Variants in PAPOLG observed in about 807,000 individuals in gnomAD.
The protein encoded by PAPOLG is PAP-gamma.
A neutral mutation model predicts 99.0 loss-of-function variants in PAPOLG; 40 were observed. The ratio of observed to expected loss-of-function variants is 0.40; its 90% CI spans 0.31 to 0.53. PAPOLG has a LOEUF of 0.53. Among genes scored for constraint, PAPOLG ranks in the 20% least tolerant of loss-of-function variants. PAPOLG has a pLI of 0.41. For missense variants in PAPOLG, 675 were observed against 884.1 expected (o/e 0.76, Z 3.00); for synonymous variants, 310 against 299.3 (o/e 1.04, Z -0.37).
In PAPOLG at chr2:60,787,050, A is replaced by C. The variant is rs1403268521; in HGVS notation, c.1270A>C (p.Lys424Gln). Residue 424 changes from lysine to glutamine, a missense_variant, in exon 14 of 22, where the codon AAG (lysine) becomes CAG (glutamine). Physicochemically the swap from Lys to Gln is moderately conservative, Grantham distance 53 (BLOSUM62 1). Transcript: ENST00000238714. ...HVNPQSFPGN[K>Q]EHHKDNNYVS... Reference sequence around the variant, plus strand: ...GAATCCCCAGTCATTCCCAGGGAATAAGGAACATCATAAAGAGTAAGTTAA... The same window carrying C: ...GAATCCCCAGTCATTCCCAGGGAATCAGGAACATCATAAAGAGTAAGTTAA... 1 of 1,607,952 alleles carries C rather than the reference A, an allele frequency of 6.2e-7. No homozygotes were observed. The highest frequency in any genetic ancestry group is 2.2e-5 in the East Asian group (1 of 44,812).
chr2:60,759,019 C>G (rs1670442974), intron 1 of PAPOLG, among the ~76,000 whole-genome samples: 1 of 152,162 alleles, frequency 6.6e-6, no homozygotes, highest in Non-Finnish European at 1.5e-5. Flanking sequence ...TTGCCAACCC[C>G]TGTTGGTCCC....
intron 17 of PAPOLG, 108 bp from the exon 18 acceptor site, chr2:60,793,517 TTG>T: frequency 7.9e-7 from 1 of 1,264,816 alleles, no homozygotes; most frequent in Non-Finnish European, 1.1e-6. Flanking sequence ...TGAGCTGTGA[TTG>T]TGCCACTGCA....
intron 15 of PAPOLG, among the ~76,000 whole-genome samples, chr2:60,789,633 C>A (rs547400807): frequency 2.6e-4 from 40 of 152,184 alleles, no homozygotes; most frequent in Non-Finnish European, 5.1e-4. Context: ...ACATCTAGCC[C>A]TCTAGTCACA....
chr2:60,779,824 C>A, intron 9 of PAPOLG, 49 bp downstream of exon 9: 2 of 1,480,220 alleles, frequency 1.4e-6, no homozygotes, highest in Non-Finnish European at 1.9e-6. Context: ...TCTACCTATG[C>A]GTAAGTTTGT....
At chr2:60,774,821 C>T (rs753734805) in intron 7 of PAPOLG, among the ~76,000 whole-genome samples, 2 of 152,166 alleles carry the variant, frequency 1.3e-5, no homozygotes, top group Non-Finnish European at 2.9e-5. Context: ...TACTCAGGCA[C>T]ATCTCATTTT....
chr2:60,761,649 A>G, intron 2 of PAPOLG, 92 bp from the exon 3 acceptor site: 2 of 1,068,828 alleles, frequency 1.9e-6, no homozygotes, highest in Non-Finnish European at 1.4e-6. Context: ...TTACCCCAGC[A>G]TCAACACAAA....
chr2:60,762,255 G>T (rs1015748368), intron 3 of PAPOLG, among the ~76,000 whole-genome samples: 1 of 152,112 alleles, frequency 6.6e-6, no homozygotes, highest in South Asian at 2.1e-4. Flanking sequence ...TCTCATGTGG[G>T]ATTCCCTTAT....
intron 20 of PAPOLG, 46 bp from the exon 21 acceptor site, chr2:60,794,918 A>C (rs1210666800): frequency 6.2e-7 from 1 of 1,606,136 alleles, no homozygotes; most frequent in Non-Finnish European, 8.5e-7. Flanking sequence ...AAGTGTTTGC[A>C]TATAGGAAAG....
intron 1 of PAPOLG, among the ~76,000 whole-genome samples, chr2:60,758,969 T>C (rs1017534335): frequency 6.6e-6 from 1 of 152,232 alleles, no homozygotes; most frequent in African/African-American, 2.4e-5. Context: ...GTTGGTCGTT[T>C]AGTGTGTATG....
intron 1 of PAPOLG, among the ~76,000 whole-genome samples, chr2:60,756,809 C>G (rs1030771275): frequency 6.6e-6 from 1 of 151,966 alleles, no homozygotes; most frequent in African/African-American, 2.4e-5. Flanking sequence ...TCGCCTGCCC[C>G]CAGCACTGTC....
At chr2:60,766,597 T>TTTGA (rs1448010273) in intron 3 of PAPOLG, among the ~76,000 whole-genome samples, 1 of 151,704 alleles carries the variant, frequency 6.6e-6, no homozygotes, top group Non-Finnish European at 1.5e-5. Context: ...TGCTCAGTAG[T>TTTGA]TTGAGGCTGT....
chr2:60,787,730 T>G (rs1671408243), intron 15 of PAPOLG, 110 bp downstream of exon 15: 5 of 1,366,250 alleles, frequency 3.7e-6, no homozygotes, highest in Non-Finnish European at 4.0e-6. Flanking sequence ...ATTGGTTAAG[T>G]GAACATGGCA....
chr2:60,782,665 T>G, intron 11 of PAPOLG, 21 bp from the exon 12 acceptor site: 1 of 1,365,276 alleles, frequency 7.3e-7, no homozygotes, highest in Non-Finnish European at 9.5e-7. Context: ...TTTTTTTTTT[T>G]TTTTTTTTTT....
chr2:60,756,856 C>G (rs895024857), intron 1 of PAPOLG, among the ~76,000 whole-genome samples: 1 of 152,142 alleles, frequency 6.6e-6, no homozygotes, highest in African/African-American at 2.4e-5. Context: ...GGCGCAAATA[C>G]CATCCCCCTG....
chr2:60,766,600 G>C (rs1670682222), intron 3 of PAPOLG, among the ~76,000 whole-genome samples: 2 of 151,836 alleles, frequency 1.3e-5, no homozygotes, highest in South Asian at 4.2e-4. Flanking sequence ...TCAGTAGTTT[G>C]AGGCTGTGGT....
intron 1 of PAPOLG, among the ~76,000 whole-genome samples, chr2:60,757,864 T>C (rs760725495): frequency 9.8e-5 from 15 of 152,296 alleles, no homozygotes; most frequent in Non-Finnish European, 1.9e-4. Context: ...TGGGGGAAGT[T>C]CAGAACCTGG....
chr2:60,780,900 C>A, intron 10 of PAPOLG, 121 bp downstream of exon 10: 1 of 802,990 alleles, frequency 1.2e-6, no homozygotes, highest in Non-Finnish European at 2.0e-6. Flanking sequence ...AACTATAGTC[C>A]CCTTCCTCCT....
intron 18 of PAPOLG, 89 bp from the exon 19 acceptor site, chr2:60,793,882 G>T: frequency 6.9e-7 from 1 of 1,455,596 alleles, no homozygotes. Flanking sequence ...CTGCACTGCA[G>T]CCTGGGTGAT....
In PAPOLG at chr2:60,761,757, A is replaced by G. The variant is rs1298998852; in HGVS notation, c.196A>G (p.Lys66Glu). The G allele has an allele frequency of 5.6e-6, 9 of 1,604,554 alleles. No homozygotes were observed. The highest frequency in any genetic ancestry group is 1.3e-5 in the African/African-American group (1 of 74,630). Reference sequence around the variant, plus strand: ...TTTTTATAGGCTGGTGGTTCTTGGTAAATTGAACAATTTAGTAAAAGAATG... The same window carrying G: ...TTTTTATAGGCTGGTGGTTCTTGGTGAATTGAACAATTTAGTAAAAGAATG... Reference protein sequence around the residue: ...ELNHRLVVLGKLNNLVKEWIS... With the variant: ...ELNHRLVVLGELNNLVKEWIS... Residue 66 changes from lysine to glutamate, a missense_variant, in exon 3 of 22, where the codon AAA becomes GAA. By Grantham distance (56) the Lys-to-Glu change is moderately conservative. This residue lies in a region of PAPOLG where 149 missense variants were observed against 192.1 expected (regional missense o/e 0.78). Transcript: ENST00000238714.
Sources: allele counts gnomAD v4.1 joint callset (sites outside exome capture counted in the v4.1 genomes callset), GRCh38; gene constraint gnomAD v4.1.1; regional missense constraint gnomAD v4.1.1; transcripts MANE v1.5; gene names NCBI Gene and HGNC (gene_info 2026-07-23, HGNC 2026-07-21).